The following HTR3A variants were observed in gnomAD, a reference collection of about 807,000 sequenced individuals.
HTR3A encodes 5-hydroxytryptamine receptor 3A.
HTR3A carries 45 observed loss-of-function variants against 54.8 expected under a neutral mutation model. The observed-to-expected ratio is 0.82, with a 90% CI of 0.65 to 1.05. HTR3A has a LOEUF of 1.05. HTR3A is among the 50% of genes least tolerant of loss of function. The pLI is 0.00. For synonymous variants in HTR3A, 297 were observed against 256.0 expected, an observed-to-expected ratio of 1.16 and a Z score of -1.53; for missense variants, 657 against 614.0, an observed-to-expected ratio of 1.07 and a Z score of -0.74.
At chr11:113,988,776 C>CAACA (rs57518247) in intron 8 of HTR3A, among the ~76,000 whole-genome samples, 413 of 151,970 alleles carry the variant, frequency 2.7e-3, no homozygotes, top group African/African-American at 8.5e-3. Flanking sequence ...AACAAACAAA[C>CAACA]AACAAACAAA....
At position 113,975,335 on chromosome 11, in the gene HTR3A, T is replaced by G. The variant is rs753343504; in HGVS notation, c.10T>G (p.Trp4Gly). 6.2e-7 allele frequency: 1 copy of G among 1,613,582 alleles called. No homozygotes were observed. Among genetic ancestry groups the G allele is most frequent in the South Asian group, 1.1e-5 (1 of 91,080 alleles). Reference sequence around the variant, plus strand: ...GCTTGGAAAGCTCGCTATGCTGCTGTGGGTCCAGCAGGCGCTGCTCGCCTT... The same window carrying G: ...GCTTGGAAAGCTCGCTATGCTGCTGGGGGTCCAGCAGGCGCTGCTCGCCTT... MLL[W>G]VQQALLALLL... is the part of the protein sequence containing the mutation. Residue 4 changes from tryptophan (W) to glycine (G), a missense_variant, in exon 1 of 9, where the codon TGG (tryptophan) becomes GGG (glycine). Physicochemically the swap from Trp to Gly is radical, Grantham distance 184. Transcript: ENST00000504030.
Position 113,986,864 on chromosome 11 carries a change from G to A in HTR3A, c.956G>A (p.Ser319Asn). 1.2e-6 allele frequency: 2 copies of A among 1,614,150 alleles called. No homozygotes were observed. Among genetic ancestry groups the A allele is most frequent in the Non-Finnish European group, 1.7e-6 (2 of 1,180,036 alleles). Reference protein sequence around the residue: ...FVVCMALLVISLAETIFIVRL... With the variant: ...FVVCMALLVINLAETIFIVRL... ...GTGTGCATGGCTCTGCTGGTGATAA[G>A]TTTGGCCGAGACCATCTTCATTGTG... Residue 319 changes from serine to asparagine, a missense_variant, in exon 8 of 9, where the codon AGT becomes AAT. Ser to Asn is a conservative substitution (Grantham distance 46). Coordinates refer to ENST00000504030, the MANE Select transcript of HTR3A (RefSeq NM_000869.6).
chr11:113,984,709 G>T (rs1307615609), intron 5 of HTR3A, among the ~76,000 whole-genome samples: 2 of 152,158 alleles, frequency 1.3e-5, no homozygotes. Flanking sequence ...ACGAGGTCAT[G>T]AGATTGAGAC....
chr11:113,979,428 A>C, intron 3 of HTR3A, 151 bp downstream of exon 3: 2 of 684,472 alleles, frequency 2.9e-6, no homozygotes, highest in Non-Finnish European at 5.3e-6. Context: ...GAATCTCCTC[A>C]TCTCAGGTCT....
intron 5 of HTR3A, among the ~76,000 whole-genome samples, 200 bp downstream of exon 5, chr11:113,983,489 A>C (rs1196420235): frequency 6.6e-6 from 1 of 152,192 alleles, no homozygotes; most frequent in Non-Finnish European, 1.5e-5. Flanking sequence ...TTATCAGTAG[A>C]AACTTCATAT....
rs778753322 is a variant in HTR3A at position 113,989,541 on chromosome 11, C to T, written c.1215C>T (p.Pro405=). 8 of 1,614,164 alleles carry T rather than the reference C, an allele frequency of 5.0e-6. No homozygotes were observed. The highest frequency in any genetic ancestry group is 1.3e-5 in the African/African-American group (1 of 75,044). ...EKSPRDRCSP[P]PPPREASLAV... is the part of the protein sequence containing the mutation. The stretch of plus-strand genomic sequence containing the variant: ...GCCCGAGGGACAGATGTAGCCCTCC[C>T]CCACCACCTCGGGAGGCCTCGCTGG... The change falls in exon 9 of 9, where the codon CCC becomes CCT. Residue 405 remains proline (P), a synonymous_variant. Coordinates refer to ENST00000504030, the MANE Select transcript of HTR3A (RefSeq NM_000869.6). This position sits in a 1 kb window ranked among gnomAD's most constrained non-coding sequence, Gnocchi z 4.4.
chr11:113,984,043 T>C (rs1950458063), intron 5 of HTR3A, among the ~76,000 whole-genome samples: 1 of 152,078 alleles, frequency 6.6e-6, no homozygotes, highest in Non-Finnish European at 1.5e-5. Context: ...CAAACCCTCA[T>C]ATTCTTTCCC....
At chr11:113,988,414 T>G (rs1565583564) in intron 8 of HTR3A, among the ~76,000 whole-genome samples, 2 of 152,342 alleles carry the variant, frequency 1.3e-5, no homozygotes, top group East Asian at 3.9e-4. Flanking sequence ...ATCCTCCAAG[T>G]ATGTGACCAC....
chr11:113,977,956 C>G, intron 2 of HTR3A, 34 bp downstream of exon 2: 5 of 1,613,920 alleles, frequency 3.1e-6, no homozygotes, highest in Non-Finnish European at 4.2e-6. Context: ...CACAGGCAGA[C>G]CTTTTGGGGG....
chr11:113,989,348 G>A lies in HTR3A; in HGVS notation c.1139-117G>A. ...ACTGCCCTCCAGCCTGGGTGACAGA[G>A]TGAGAAAAAAAAAGTTATTCCCAAC... On this transcript the variant is annotated intron_variant, in intron 8 of 8. Transcript: ENST00000504030. This position sits in a 1 kb window ranked among gnomAD's most constrained non-coding sequence, Gnocchi z 4.4. 3 of 1,145,926 alleles carry A rather than the reference G, an allele frequency of 2.6e-6. No individual in the cohort carries two copies. Among genetic ancestry groups the A allele is most frequent in the African/African-American group, 1.5e-5 (1 of 65,946 alleles). 71.0% of individuals were successfully genotyped at this position (1,145,926 alleles called of 1,614,324 possible).
chr11:113,987,367 C>T (rs75833556), intron 8 of HTR3A, among the ~76,000 whole-genome samples: 3,005 of 152,212 alleles, frequency 0.02, 54 homozygotes, highest in Non-Finnish European at 0.032. Flanking sequence ...AACGGATGCC[C>T]CTTAGGCAAT....
At chr11:113,983,090 C>T (rs2137577848) in intron 4 of HTR3A, 30 bp from the exon 5 acceptor site, 1 of 1,614,086 alleles carries the variant, frequency 6.2e-7, no homozygotes. Flanking sequence ...GTCTCTTGAG[C>T]TCCCAAACTA....
chr11:113,978,342 A>G (rs903777600), intron 2 of HTR3A, among the ~76,000 whole-genome samples: 8 of 152,124 alleles, frequency 5.3e-5, no homozygotes, highest in African/African-American at 1.9e-4. Flanking sequence ...CAATTCCTTC[A>G]TCAACTACCA....
intron 3 of HTR3A, chr11:113,980,945 A>G (rs1950414823): frequency 4.0e-6 from 2 of 502,554 alleles, no homozygotes; most frequent in African/African-American, 1.9e-5. Context: ...GGGAACTCAC[A>G]GCATTCGAAA....
intron 4 of HTR3A, among the ~76,000 whole-genome samples, chr11:113,981,784 C>T (rs1025065163): frequency 6.6e-6 from 1 of 151,924 alleles, no homozygotes; most frequent in Non-Finnish European, 1.5e-5. Flanking sequence ...ATGGTGAAAC[C>T]CCATCTCTAC....
At chr11:113,984,101 C>G (rs1028848971) in intron 5 of HTR3A, among the ~76,000 whole-genome samples, 1 of 152,136 alleles carries the variant, frequency 6.6e-6, no homozygotes, top group African/African-American at 2.4e-5. Flanking sequence ...CCTTTCCTCC[C>G]TCTCCCAACT....
In HTR3A at chr11:113,989,438, C is replaced by T. The variant is rs371906780; in HGVS notation, c.1139-27C>T. 2.2e-5 allele frequency: 36 copies of T among 1,613,328 alleles called. No individual in the cohort carries two copies. Among genetic ancestry groups the T allele is most frequent in the Non-Finnish European group, 2.9e-5 (34 of 1,179,932 alleles). On this transcript the variant is annotated intron_variant, in intron 8 of 8. Transcript: ENST00000504030. This position sits in a 1 kb window ranked among gnomAD's most constrained non-coding sequence, Gnocchi z 4.4. ...AGGTCACCACCCGGGGTCTCCCTCT[C>T]TTGCCAATGCCCTGCCCTTCTTCCA...
At chr11:113,977,748 CT>C in intron 1 of HTR3A, 22 bp from the exon 2 acceptor site, 1 of 1,613,128 alleles carries the variant, frequency 6.2e-7, no homozygotes, top group Non-Finnish European at 8.5e-7. Flanking sequence ...CTGGTGTCTA[CT>C]TTGAACTGTT....
At chr11:113,983,310 G>A (rs372728437) in intron 5 of HTR3A, 21 bp downstream of exon 5, 23 of 1,613,034 alleles carry the variant, frequency 1.4e-5, no homozygotes, top group East Asian at 1.3e-4. Context: ...GGGCTTCGCC[G>A]GGACAGGGGT....
Sources: allele counts gnomAD v4.1 joint callset (sites outside exome capture counted in the v4.1 genomes callset), GRCh38; gene constraint gnomAD v4.1.1; non-coding constraint Gnocchi (gnomAD v3.1); transcripts MANE v1.5; gene names NCBI Gene and HGNC (gene_info 2026-07-23, HGNC 2026-07-21).